KIRREL1: variants seen among roughly 807,000 people sequenced by gnomAD.
KIRREL1 encodes kirre like nephrin family adhesion molecule 1.
In KIRREL1, 25 loss-of-function variants were observed where a neutral mutation model predicts 83.3. The ratio of observed to expected loss-of-function variants is 0.30; its 90% CI spans 0.22 to 0.42. The LOEUF (loss-of-function observed/expected upper bound fraction) is 0.42. Among genes scored for constraint, KIRREL1 ranks in the 10% least tolerant of loss-of-function variants. The pLI is 1.00. For synonymous variants in KIRREL1, 388 were observed against 410.4 expected (o/e 0.95, Z 0.66); for missense variants, 812 against 1,032.3 (o/e 0.79, Z 2.92).
At chr1:158,021,167 G>A (rs1320533252) in intron 1 of KIRREL1, among the ~76,000 whole-genome samples, 1 of 151,974 alleles carries the variant, frequency 6.6e-6, no homozygotes, top group Non-Finnish European at 1.5e-5. Context: ...GTATCCTAGG[G>A]CTCTTAATTT....
At position 158,051,955 on chromosome 1, in the gene KIRREL1, C is replaced by T. The variant is rs73022645; in HGVS notation, c.53-24158C>T. 2.7e-3 allele frequency among the ~76,000 whole-genome samples: 408 copies of T among 152,266 alleles called. 2 individuals are homozygous for T. Among genetic ancestry groups the T allele is most frequent in the African/African-American group, 9.4e-3 (390 of 41,544 alleles). On this transcript the variant is annotated intron_variant, in intron 1 of 14. Coordinates refer to ENST00000359209, the MANE Select transcript of KIRREL1 (RefSeq NM_018240.7). ...CCCTTCATTTATTTCATACCTATTCCATTTCTCTTTATCCACTGTCTTAGT... is the reference window on the plus strand; with the variant it reads ...CCCTTCATTTATTTCATACCTATTCTATTTCTCTTTATCCACTGTCTTAGT...
chr1:158,010,217 G>C (rs1266688665), intron 1 of KIRREL1, among the ~76,000 whole-genome samples: 1 of 151,816 alleles, frequency 6.6e-6, no homozygotes, highest in Non-Finnish European at 1.5e-5. Context: ...CCAGAGCAGG[G>C]GTATCCCAGG....
intron 11 of KIRREL1, among the ~76,000 whole-genome samples, chr1:158,092,644 G>A (rs1010240215): frequency 2.0e-5 from 3 of 152,248 alleles, no homozygotes; most frequent in African/African-American, 7.2e-5. Flanking sequence ...ACCATGCCCG[G>A]CCTATCACTT....
intron 1 of KIRREL1, among the ~76,000 whole-genome samples, chr1:158,051,577 G>A (rs1660911438): frequency 1.3e-5 from 2 of 152,134 alleles, no homozygotes; most frequent in Admixed American, 1.3e-4. Context: ...CCTTTTTGTA[G>A]AGACATAGTG....
chr1:158,057,891 G>C (rs1458853601), intron 1 of KIRREL1, among the ~76,000 whole-genome samples: 3 of 152,204 alleles, frequency 2.0e-5, no homozygotes, highest in Non-Finnish European at 4.4e-5. Context: ...CCATTGAAAA[G>C]GTAGTACCTA....
Position 158,088,407 on chromosome 1 carries a change from G to C in KIRREL1, c.997G>C (p.Gly333Arg), listed in dbSNP as rs1662083525. The C allele has an allele frequency of 6.2e-7, 1 of 1,612,804 alleles. No individual in the cohort carries two copies. Among genetic ancestry groups the C allele is most frequent in the African/African-American group, 1.3e-5 (1 of 74,630 alleles). Residue 333 changes from glycine (G) to arginine (R), a missense_variant, in exon 8 of 15, where the codon GGG becomes CGG. By Grantham distance (125) the Gly-to-Arg change is moderately radical (BLOSUM62 -2). Coordinates refer to ENST00000359209, the MANE Select transcript of KIRREL1 (RefSeq NM_018240.7). ...SDVTLTCVWV[G>R]NPPLTLTWTK... ...TGTGACCCTTACCTGTGTCTGGGTT[G>C]GGAATCCCCCCCTCACTCTCACCTG... is the stretch of plus-strand genomic sequence containing the variant.
At chr1:158,080,774 C>T (rs1314984813) in intron 3 of KIRREL1, among the ~76,000 whole-genome samples, 1 of 152,182 alleles carries the variant, frequency 6.6e-6, no homozygotes, top group Non-Finnish European at 1.5e-5. Context: ...TCACTCTTTC[C>T]TCTCCTTGTC....
At position 158,094,182 on chromosome 1, in the gene KIRREL1, A is replaced by C. The variant is rs1662285266; in HGVS notation, c.1720-131A>C. On this transcript the variant is annotated intron_variant, in intron 13 of 14. Coordinates refer to ENST00000359209, the MANE Select transcript of KIRREL1 (RefSeq NM_018240.7). The surrounding 1 kb of genome is among the most constrained non-coding windows in gnomAD (Gnocchi z 4.6). Reference sequence around the variant, plus strand: ...TCCCAGAGCCTCTGCTGAGAGGACCAGAACTCAAGTCTGCCCTTGACCTCA... The same window carrying C: ...TCCCAGAGCCTCTGCTGAGAGGACCCGAACTCAAGTCTGCCCTTGACCTCA... 2.6e-6 allele frequency: 2 copies of C among 760,928 alleles called. No individual in the cohort carries two copies. Among genetic ancestry groups the C allele is most frequent in the South Asian group, 1.6e-5 (1 of 64,336 alleles). 47.1% of individuals were successfully genotyped at this position (760,928 alleles called of 1,614,324 possible). A position where few individuals can be genotyped will look rare whatever the true frequency, so the allele number is the denominator to read the frequency against.
intron 1 of KIRREL1, 42 bp downstream of exon 1, chr1:157,993,770 CG>C: frequency 2.3e-6 from 3 of 1,332,970 alleles, no homozygotes; most frequent in Non-Finnish European, 3.0e-6. Flanking sequence ...GGCTTCCCCC[CG>C]GGGCCGGGGC....
intron 1 of KIRREL1, among the ~76,000 whole-genome samples, chr1:158,067,447 G>C (rs1341821179): frequency 6.6e-6 from 1 of 152,210 alleles, no homozygotes; most frequent in Non-Finnish European, 1.5e-5. Context: ...AGGTACACTA[G>C]TTCCTCCCAG....
intron 3 of KIRREL1, among the ~76,000 whole-genome samples, chr1:158,083,601 G>A (rs1661928124): frequency 6.6e-6 from 1 of 152,196 alleles, no homozygotes; most frequent in African/African-American, 2.4e-5. Flanking sequence ...CTGTGCTGAA[G>A]GGAAAAATAA....
At chr1:158,029,928 G>A (rs1034821383) in intron 1 of KIRREL1, among the ~76,000 whole-genome samples, 3 of 152,098 alleles carry the variant, frequency 2.0e-5, no homozygotes, top group African/African-American at 7.2e-5. Flanking sequence ...AATGTACGTA[G>A]TACAAAATAT....
Position 158,094,275 on chromosome 1 carries a change from C to A in KIRREL1, c.1720-38C>A, listed in dbSNP as rs200155356. On this transcript the variant is annotated intron_variant, in intron 13 of 14. Coordinates refer to ENST00000359209, the MANE Select transcript of KIRREL1 (RefSeq NM_018240.7). This position sits in a 1 kb window ranked among gnomAD's most constrained non-coding sequence, Gnocchi z 4.6. ...TTGGTGAGGGGCGAAAAGAGCAGGG[C>A]TTCCGTCTGCTGACGTCCCACTCCT... The A allele has an allele frequency of 3.8e-4, 596 of 1,555,100 alleles. 1 individual carries two copies. In the African/African-American group the frequency reaches 5.4e-3, roughly 14 times the overall value.
chr1:158,036,103 T>C (rs1368592123), intron 1 of KIRREL1, among the ~76,000 whole-genome samples: 2 of 152,182 alleles, frequency 1.3e-5, no homozygotes, highest in South Asian at 2.1e-4. Flanking sequence ...AAAAGTGTTG[T>C]AGTTTGTTTG....
In KIRREL1 at chr1:158,095,251, G is replaced by T; in HGVS notation, c.*131G>T. Reference sequence around the variant, plus strand: ...CTTCTTCCTCCCACCATGGCAGGTGGGGAGCAGGTCTCCCAGAAACACCCC... The same window carrying T: ...CTTCTTCCTCCCACCATGGCAGGTGTGGAGCAGGTCTCCCAGAAACACCCC... On this transcript the variant is annotated 3_prime_UTR_variant, in exon 15 of 15. Coordinates refer to ENST00000359209, the MANE Select transcript of KIRREL1 (RefSeq NM_018240.7). 1 of 706,256 alleles carries T rather than the reference G, an allele frequency of 1.4e-6. No individual in the cohort carries two copies. The highest frequency in any genetic ancestry group is 2.3e-6 in the Non-Finnish European group (1 of 433,692). The allele number at this position is 706,256 out of a possible 1,614,324, so 43.7% of individuals were successfully genotyped here.
chr1:158,024,642 TG>T, intron 1 of KIRREL1, among the ~76,000 whole-genome samples: 1 of 152,114 alleles, frequency 6.6e-6, no homozygotes, highest in Non-Finnish European at 1.5e-5. Context: ...ACCCAGAGGA[TG>T]AGGGTGGGAA....
intron 4 of KIRREL1, among the ~76,000 whole-genome samples, chr1:158,085,311 A>G (rs1267931990): frequency 6.6e-6 from 1 of 152,208 alleles, no homozygotes; most frequent in Non-Finnish European, 1.5e-5. Context: ...CTCAGTGTGG[A>G]GACAGAGATG....
intron 1 of KIRREL1, among the ~76,000 whole-genome samples, chr1:158,009,995 C>G (rs1659625723): frequency 6.6e-6 from 1 of 152,156 alleles, no homozygotes; most frequent in Admixed American, 6.5e-5. Context: ...CCATTTGTGC[C>G]TCTACTGGAG....
At chr1:158,026,887 T>G (rs1445195146) in intron 1 of KIRREL1, among the ~76,000 whole-genome samples, 5 of 151,994 alleles carry the variant, frequency 3.3e-5, no homozygotes. Flanking sequence ...CCTACAACAG[T>G]CAACACAGAA....
Sources: gnomAD v4.1 joint callset for allele counts (sites outside exome capture counted in the v4.1 genomes callset) on GRCh38, gnomAD v4.1.1 for gene constraint, Gnocchi (gnomAD v3.1) non-coding constraint, MANE v1.5 for transcripts, NCBI Gene and HGNC (gene_info 2026-07-23, HGNC 2026-07-21) for gene names.